DHRSX: variants seen among roughly 807,000 people sequenced by gnomAD.
DHRSX encodes the protein polyprenol dehydrogenase.
In DHRSX, 31 loss-of-function variants were observed where a neutral mutation model predicts 34.0. The observed-to-expected ratio is 0.91, with a 90% CI of 0.69 to 1.23. The LOEUF (loss-of-function observed/expected upper bound fraction) is 1.23. DHRSX is among the 50% of genes most tolerant of loss of function. DHRSX has a pLI of 0.00. For missense variants in DHRSX, 414 were observed against 428.1 expected (o/e 0.97, Z 0.29); for synonymous variants, 201 against 183.8 (o/e 1.09, Z -0.76).
intron 5 of DHRSX, among the ~76,000 whole-genome samples, chrX:2,265,929 G>A (rs764412763): frequency 1.5e-5 from 2 of 134,648 alleles, no homozygotes; most frequent in African/African-American, 2.9e-5. Flanking sequence ...CTCGGCAGAT[G>A]CAGGGAGCAC....
At chrX:2,364,832 TCTAC>T (rs1247526445) in intron 3 of DHRSX, among the ~76,000 whole-genome samples, 4 of 152,242 alleles carry the variant, frequency 2.6e-5, no homozygotes, top group South Asian at 2.1e-4. Flanking sequence ...CGATCATTTA[TCTAC>T]CTGTCATCTA....
At position 2,303,395 on chromosome X, in the gene DHRSX, TG is replaced by T. The variant is rs377612849; in HGVS notation, c.287-11793del. Among the ~76,000 whole-genome samples the T allele has an allele frequency of 2.5e-3, 387 of 152,178 alleles. 2 individuals carry two copies. The highest frequency in any genetic ancestry group is 8.9e-3 in the African/African-American group (368 of 41,530). ...CGCCATCCCCTTGGTGATGTTCTTG[TG>T]ACCATGAATGAGTTCCCACAAGATC... is the stretch of plus-strand genomic sequence containing the variant. On this transcript the variant is annotated intron_variant, in intron 3 of 6. Transcript: ENST00000334651.
chrX:2,335,452 T>G lies in DHRSX; in HGVS notation c.287-43849A>C, dbSNP rs768685012. ...GGTTGCATTCATTATTTTTTTGGGG[T>G]GTGTGTGTGTGTGTGTTTAGACAGA... On this transcript the variant is annotated intron_variant, in intron 3 of 6. Transcript: ENST00000334651. 4.4e-3 allele frequency among the ~76,000 whole-genome samples: 658 copies of G among 148,568 alleles called. 7 individuals carry two copies. The highest frequency in any genetic ancestry group is 0.015 in the African/African-American group (592 of 40,154).
At chrX:2,358,484 T>C (rs1174811971) in intron 3 of DHRSX, among the ~76,000 whole-genome samples, 6 of 151,872 alleles carry the variant, frequency 4.0e-5, no homozygotes, top group Non-Finnish European at 8.8e-5. Flanking sequence ...GATCACAAGG[T>C]CAGGAGATCA....
intron 5 of DHRSX, among the ~76,000 whole-genome samples, chrX:2,246,744 G>GAAAT (rs1376011281): frequency 1.0e-4 from 11 of 108,012 alleles, no homozygotes; most frequent in African/African-American, 2.8e-4. Context: ...AAGAAAGAAA[G>GAAAT]AAAGAAAAAG....
chrX:2,389,517 C>T (rs1401043297), intron 3 of DHRSX, among the ~76,000 whole-genome samples: 6 of 152,114 alleles, frequency 3.9e-5, no homozygotes, highest in Non-Finnish European at 5.9e-5. Flanking sequence ...TGACACCCCA[C>T]GGGCTGTGTG....
chrX:2,489,778 G>C, intron 1 of DHRSX: 7 of 1,613,434 alleles, frequency 4.3e-6, no homozygotes, highest in Non-Finnish European at 5.9e-6. Context: ...GTTTGCGGCA[G>C]CGCGACAGCA....
At chrX:2,404,530 C>A (rs776351520) in intron 3 of DHRSX, among the ~76,000 whole-genome samples, 67 of 152,252 alleles carry the variant, frequency 4.4e-4, no homozygotes, top group African/African-American at 1.5e-3. Flanking sequence ...TGTTTTTCTG[C>A]GGCTAATAAG....
At chrX:2,265,011 AG>A (rs1228762083) in intron 5 of DHRSX, among the ~76,000 whole-genome samples, 1 of 151,264 alleles carries the variant, frequency 6.6e-6, no homozygotes, top group Non-Finnish European at 1.5e-5. Flanking sequence ...CAGCAGACGC[AG>A]GGAGCACTGT....
intron 1 of DHRSX, among the ~76,000 whole-genome samples, chrX:2,436,485 TTA>T: frequency 1.5e-5 from 2 of 135,470 alleles, no homozygotes; most frequent in South Asian, 5.0e-4. Flanking sequence ...ATTATTATTA[TTA>T]TTATTATTAT....
intron 3 of DHRSX, among the ~76,000 whole-genome samples, chrX:2,324,199 C>G (rs1287924831): frequency 6.6e-6 from 1 of 152,138 alleles, no homozygotes; most frequent in African/African-American, 2.4e-5. Flanking sequence ...AAGAAGGACC[C>G]ATTTCCCTCC....
rs908546233 is a variant in DHRSX at position 2,284,638 on chromosome X, C to T, written c.388+6864G>A. Reference sequence around the variant, plus strand: ...GCTGACAAGGATAAATCTATAAATCCTCTGCATTATTAAAAATCTATCAAT... The same window carrying T: ...GCTGACAAGGATAAATCTATAAATCTTCTGCATTATTAAAAATCTATCAAT... On this transcript the variant is annotated intron_variant, in intron 4 of 6. Coordinates refer to ENST00000334651, the MANE Select transcript of DHRSX (RefSeq NM_145177.3). 5.7e-4 allele frequency among the ~76,000 whole-genome samples: 86 copies of T among 152,128 alleles called. 1 individual carries two copies. Among genetic ancestry groups the T allele is most frequent in the Non-Finnish European group, 1.3e-4 (9 of 68,016 alleles).
intron 3 of DHRSX, among the ~76,000 whole-genome samples, chrX:2,320,294 TTTTC>T (rs1425187336): frequency 1.8e-4 from 21 of 116,856 alleles, no homozygotes; most frequent in African/African-American, 6.5e-4. Flanking sequence ...TGGACTTTTC[TTTTC>T]TTTTTTTTTT....
intron 3 of DHRSX, among the ~76,000 whole-genome samples, chrX:2,303,388 G>A (rs2042036877): frequency 6.6e-6 from 1 of 152,028 alleles, no homozygotes; most frequent in Admixed American, 6.6e-5. Flanking sequence ...CCTTGGTGAT[G>A]TTCTTGTGAC....
intron 1 of DHRSX, among the ~76,000 whole-genome samples, chrX:2,427,714 T>C (rs1279070957): frequency 1.3e-5 from 2 of 152,138 alleles, no homozygotes. Flanking sequence ...AAAGAAAGAC[T>C]GAGGGAAAAG....
intron 1 of DHRSX, among the ~76,000 whole-genome samples, chrX:2,485,221 C>G (rs1263942301): frequency 6.6e-6 from 1 of 152,090 alleles, no homozygotes; most frequent in Non-Finnish European, 1.5e-5. Flanking sequence ...CCCTCAAGGA[C>G]TAGAATTACT....
intron 3 of DHRSX, among the ~76,000 whole-genome samples, chrX:2,357,415 T>C (rs1161256360): frequency 6.6e-6 from 1 of 151,928 alleles, no homozygotes; most frequent in African/African-American, 2.4e-5. Context: ...TAGTAAGCCA[T>C]ACGATTTATT....
At chrX:2,359,435 T>C (rs1278449311) in intron 3 of DHRSX, among the ~76,000 whole-genome samples, 3 of 152,130 alleles carry the variant, frequency 2.0e-5, no homozygotes, top group Non-Finnish European at 4.4e-5. Context: ...TCCAGCACTT[T>C]GGGAGGCCAA....
At chrX:2,257,501 G>A (rs1357877671) in intron 5 of DHRSX, among the ~76,000 whole-genome samples, 7 of 152,178 alleles carry the variant, frequency 4.6e-5, no homozygotes, top group Admixed American at 6.5e-5. Context: ...CGGCTGAGGC[G>A]TGTTCTATTC....
Sources: allele counts gnomAD v4.1 joint callset (sites outside exome capture counted in the v4.1 genomes callset), GRCh38; gene constraint gnomAD v4.1.1; transcripts MANE v1.5; gene names NCBI Gene and HGNC (gene_info 2026-07-23, HGNC 2026-07-21).